Variants in CAPN1 observed in about 807,000 individuals in gnomAD.
CAPN1 encodes the protein calpain-1 catalytic subunit.
CAPN1 carries 77 observed loss-of-function variants against 105.2 expected under a neutral mutation model. That is an observed-to-expected ratio of 0.73 (90% CI 0.61 to 0.88). The LOEUF is 0.88. Ranked by LOEUF, CAPN1 falls within the 40% of genes least tolerant of loss-of-function variation. CAPN1 has a pLI of 0.00. For synonymous variants in CAPN1, 355 were observed against 388.8 expected (o/e 0.91, Z 1.02); for missense variants, 833 against 976.6 (o/e 0.85, Z 1.96).
At chr11:65,203,033 G>A (rs1000414801) in intron 10 of CAPN1, among the ~76,000 whole-genome samples, 11 of 152,184 alleles carry the variant, frequency 7.2e-5, no homozygotes, top group African/African-American at 2.6e-4. Context: ...ATGTTTGCAA[G>A]GTTCCTCCAT....
In CAPN1 at chr11:65,182,830, G is replaced by A. The variant is rs1286945463; in HGVS notation, c.129G>A (p.Glu43=). Residue 43 remains glutamate (E), a synonymous_variant, in exon 2 of 22, where the codon GAG becomes GAA. Transcript: ENST00000279247. ...NAIKYLGQDY[E]QLRVRCLQSG... ...TCAAGTACCTGGGCCAGGATTATGAGCAGCTGCGGGTGCGATGCCTGCAGA... is the reference window on the plus strand; with the variant it reads ...TCAAGTACCTGGGCCAGGATTATGAACAGCTGCGGGTGCGATGCCTGCAGA... 1 of 1,595,772 alleles carries A rather than the reference G, an allele frequency of 6.3e-7. No homozygotes were observed. The highest frequency in any genetic ancestry group is 8.5e-7 in the Non-Finnish European group (1 of 1,171,530).
At chr11:65,207,714 A>G (rs564844100) in intron 14 of CAPN1, among the ~76,000 whole-genome samples, 1 of 151,208 alleles carries the variant, frequency 6.6e-6, no homozygotes, top group African/African-American at 2.4e-5. Flanking sequence ...GGAGTTTGAG[A>G]CCAGCCTGGC....
rs556187658 is a variant in CAPN1, at chr11:65,198,629, C to A, written c.1166-6054C>A. Among the ~76,000 whole-genome samples, 62 of 152,300 alleles carry A rather than the reference C, an allele frequency of 4.1e-4. 1 individual carries two copies. The highest frequency in any genetic ancestry group is 7.2e-4 in the Admixed American group (11 of 15,288). ...TAGCCCATGTTATTTGGATTACCCA[C>A]AAATAAAAGTATTTTTGTTCAGCAT... On this transcript the variant is annotated intron_variant, in intron 10 of 21. Transcript: ENST00000279247.
intron 10 of CAPN1, among the ~76,000 whole-genome samples, chr11:65,196,580 A>T (rs1948795443): frequency 6.6e-6 from 1 of 152,130 alleles, no homozygotes; most frequent in Non-Finnish European, 1.5e-5. Context: ...ACTAGAACTT[A>T]TTCCTTCTAT....
At chr11:65,184,509 C>T (rs545285849) in intron 4 of CAPN1, among the ~76,000 whole-genome samples, 11 of 151,712 alleles carry the variant, frequency 7.3e-5, no homozygotes, top group Non-Finnish European at 1.5e-4. Context: ...GCCCCGACCC[C>T]TCAGATGGTA....
chr11:65,207,737 AC>A (rs1948982883), intron 14 of CAPN1, among the ~76,000 whole-genome samples: 3 of 149,400 alleles, frequency 2.0e-5, no homozygotes, highest in African/African-American at 7.4e-5. Flanking sequence ...ACATGGCAAA[AC>A]CCCGTCTCTA....
rs922440418 is a variant in CAPN1 at position 65,188,279 on chromosome 11, G to A, written c.930-135G>A. On this transcript the variant is annotated intron_variant, in intron 8 of 21. Transcript: ENST00000279247. This position sits in a 1 kb window ranked among gnomAD's most constrained non-coding sequence, Gnocchi z 5.5. ...CCTGATGAGACCACCCCCTAGAAGC[G>A]GAACCTTGGCGCTTGACCTTGAGGA... 3.0e-5 allele frequency: 24 copies of A among 793,674 alleles called. No homozygotes were observed. The highest frequency in any genetic ancestry group is 5.1e-5 in the Admixed American group (2 of 39,378). 49.2% of individuals were successfully genotyped at this position (793,674 alleles called of 1,614,324 possible).
Position 65,185,898 on chromosome 11 carries a change from C to T in CAPN1, c.457-19C>T, listed in dbSNP as rs1948624683. ...CGGGGGATTCCAAAGCAGGTACTCA[C>T]CGTGCCCCTCCCCCACAGCTGTGGC... On this transcript the variant is annotated intron_variant, in intron 4 of 21. Coordinates refer to ENST00000279247, the MANE Select transcript of CAPN1 (RefSeq NM_005186.4). 2 of 1,568,984 alleles carry T rather than the reference C, an allele frequency of 1.3e-6. No homozygotes were observed. The highest frequency in any genetic ancestry group is 2.3e-5 in the South Asian group (2 of 85,302).
chr11:65,195,980 TTC>T (rs1489083986), intron 10 of CAPN1, among the ~76,000 whole-genome samples: 1 of 152,082 alleles, frequency 6.6e-6, no homozygotes, highest in Non-Finnish European at 1.5e-5. Context: ...TAGGAATTTG[TTC>T]TTTTTGTCTA....
In CAPN1 at chr11:65,183,476, G is replaced by T; in HGVS notation, c.340G>T (p.Asp114Tyr). 1.9e-6 allele frequency: 3 copies of T among 1,611,186 alleles called. No individual in the cohort carries two copies. In the South Asian group the frequency reaches 3.3e-5, roughly 18 times the overall value. The change falls in exon 4 of 22, where the codon GAC (aspartate) becomes TAC (tyrosine). Residue 114 changes from aspartate (D) to tyrosine (Y), a missense_variant and splice_region_variant. By Grantham distance (160) the Asp-to-Tyr change is radical (BLOSUM62 -3). Coordinates refer to ENST00000279247, the MANE Select transcript of CAPN1 (RefSeq NM_005186.4). ...RTDICQGALG[D>Y]CWLLAAIASL... is the part of the protein sequence containing the mutation. ...AATGTGCATCCCTCCTGCCCCAGGG[G>T]ACTGCTGGCTCTTGGCGGCCATCGC...
chr11:65,195,026 C>T (rs926498199), intron 10 of CAPN1, among the ~76,000 whole-genome samples: 5 of 151,678 alleles, frequency 3.3e-5, no homozygotes, highest in Non-Finnish European at 7.4e-5. Context: ...TCCTCTTCAA[C>T]ACTAGTTATT....
intron 10 of CAPN1, among the ~76,000 whole-genome samples, chr11:65,204,399 C>A (rs1459836594): frequency 6.6e-6 from 1 of 152,106 alleles, no homozygotes; most frequent in Non-Finnish European, 1.5e-5. Context: ...GGTCTCAGCG[C>A]ATAGGTCCCC....
At chr11:65,185,520 C>A (rs1365883782) in intron 4 of CAPN1, among the ~76,000 whole-genome samples, 1 of 151,818 alleles carries the variant, frequency 6.6e-6, no homozygotes, top group African/African-American at 2.4e-5. Flanking sequence ...AAATCTCCCC[C>A]ACAAAAGACA....
Position 65,186,305 on chromosome 11 carries a change from G to A in CAPN1, c.726G>A (p.Leu242=). 1 of 1,613,232 alleles carries A rather than the reference G, an allele frequency of 6.2e-7. No homozygotes were observed. Among genetic ancestry groups the A allele is most frequent in the Non-Finnish European group, 8.5e-7 (1 of 1,179,534 alleles). The part of the protein sequence containing the change: ...SDLYQIILKA[L]ERGSLLGCSI... ...TCTACCAGATCATCCTCAAGGCGCT[G>A]GAGCGGGGCTCCCTGCTGGGCTGCT... The change falls in exon 6 of 22, where the codon CTG becomes CTA. Residue 242 remains leucine, a synonymous_variant. Transcript: ENST00000279247.
At chr11:65,205,860 C>T in intron 12 of CAPN1, 139 bp downstream of exon 12, 1 of 781,202 alleles carries the variant, frequency 1.3e-6, no homozygotes. Flanking sequence ...CTTCTCCCCA[C>T]CTGTTCAGTG....
intron 10 of CAPN1, among the ~76,000 whole-genome samples, chr11:65,202,026 T>G (rs1333477627): frequency 6.6e-6 from 1 of 151,610 alleles, no homozygotes; most frequent in Non-Finnish European, 1.5e-5. Context: ...GGTTTTACCA[T>G]GTTGGCCAGG....
chr11:65,189,225 T>C (rs1019068116), intron 10 of CAPN1, among the ~76,000 whole-genome samples: 9 of 152,206 alleles, frequency 5.9e-5, no homozygotes, highest in Non-Finnish European at 1.5e-5. Context: ...TTCTCCATGT[T>C]GGCCAGGCTG....
rs1188887606 is a variant in CAPN1 at position 65,206,469 on chromosome 11, G to A, written c.1360G>A (p.Gly454Ser). ...AVYEVPPELVGQPAVHLKRDF... is the reference protein window; with the variant it reads ...AVYEVPPELVSQPAVHLKRDF... ...CCCTCCTCCCTCCCACCAGCTGGTG[G>A]GCCAGCCGGCCGTACACTTGAAGCG... The change falls in exon 13 of 22, where the codon GGC (glycine) becomes AGC (serine). Residue 454 changes from glycine to serine, a missense_variant. Physicochemically the swap from Gly to Ser is moderately conservative, Grantham distance 56. Transcript: ENST00000279247. The A allele has an allele frequency of 2.5e-6, 4 of 1,612,744 alleles. No individual in the cohort carries two copies. Among genetic ancestry groups the A allele is most frequent in the South Asian group, 2.2e-5 (2 of 91,068 alleles).
At chr11:65,206,850 C>T in intron 14 of CAPN1, 31 bp downstream of exon 14, 1 of 1,597,674 alleles carries the variant, frequency 6.3e-7, no homozygotes, top group Non-Finnish European at 8.5e-7. Context: ...AGGCCCCGTC[C>T]TCCTCTCTTC....
Sources: allele counts gnomAD v4.1 joint callset (sites outside exome capture counted in the v4.1 genomes callset), GRCh38; gene constraint gnomAD v4.1.1; non-coding constraint Gnocchi (gnomAD v3.1); transcripts MANE v1.5; gene names NCBI Gene and HGNC (gene_info 2026-07-23, HGNC 2026-07-21).